TMPRSS6: variants seen among roughly 807,000 people sequenced by gnomAD.
TMPRSS6 encodes the protein transmembrane protease serine 6.
In TMPRSS6, 67 loss-of-function variants were observed where a neutral mutation model predicts 101.5. That is an observed-to-expected ratio of 0.66 (90% confidence interval 0.54 to 0.81). The LOEUF (loss-of-function observed/expected upper bound fraction) is 0.81, where lower values mean the gene tolerates loss of function less well. Among genes scored for constraint, TMPRSS6 ranks in the 30% least tolerant of loss-of-function variants. TMPRSS6 has a pLI of 0.00. For synonymous variants in TMPRSS6, 453 were observed against 464.9 expected (o/e 0.97, Z 0.33); for missense variants, 1,034 against 1,088.7 (o/e 0.95, Z 0.71).
intron 6 of TMPRSS6, among the ~76,000 whole-genome samples, chr22:37,090,286 G>A (rs1371902294): frequency 1.3e-5 from 2 of 152,232 alleles, no homozygotes; most frequent in South Asian, 2.1e-4. Flanking sequence ...GAGGATGGGC[G>A]CTGCTTTCTC....
chr22:37,093,980 G>A (rs1929508419), intron 6 of TMPRSS6, among the ~76,000 whole-genome samples: 1 of 151,928 alleles, frequency 6.6e-6, no homozygotes, highest in Non-Finnish European at 1.5e-5. Flanking sequence ...CCAAGATCGC[G>A]GCACTGCACT....
chr22:37,094,631 T>C (rs752558730), intron 6 of TMPRSS6, among the ~76,000 whole-genome samples: 5 of 152,208 alleles, frequency 3.3e-5, no homozygotes, highest in African/African-American at 7.2e-5. Flanking sequence ...ATCAGCCAAA[T>C]AAATATTTGA....
Position 37,069,200 on chromosome 22 carries a change from C to G in TMPRSS6, c.1986G>C (p.Leu662=). 6.2e-7 allele frequency: 1 copy of G among 1,603,136 alleles called. No individual in the cohort carries two copies. Among genetic ancestry groups the G allele is most frequent in the Middle Eastern group, 1.7e-4 (1 of 6,050 alleles). Reference sequence around the variant, plus strand: ...GCACCACCGGGTGGTCGAGCTGCAGCAGCGCCACGTCGTAGTCATGGCTGT... The same window carrying G: ...GCACCACCGGGTGGTCGAGCTGCAGGAGCGCCACGTCGTAGTCATGGCTGT... The part of the protein sequence containing the change: ...EEDSHDYDVA[L]LQLDHPVVRS... Residue 662 remains leucine, a synonymous_variant, in exon 16 of 18, where the codon CTG becomes CTC. Transcript: ENST00000676104. This position sits in a 1 kb window ranked among gnomAD's most constrained non-coding sequence, Gnocchi z 4.8.
At position 37,090,514 on chromosome 22, in the gene TMPRSS6, G is replaced by A. The variant is rs143079795; in HGVS notation, c.632-732C>T. Among the ~76,000 whole-genome samples the A allele has an allele frequency of 5.8e-4, 88 of 152,186 alleles. 1 individual carries two copies. The highest frequency in any genetic ancestry group is 2.0e-3 in the African/African-American group (83 of 41,430). The stretch of plus-strand genomic sequence containing the variant: ...ACATGAGCTTTGAGCTAATGATGGT[G>A]AAGCCATCAGAATAAAACAGGTGCT... On this transcript the variant is annotated intron_variant, in intron 6 of 17. Transcript: ENST00000676104.
chr22:37,081,019 A>T (rs576457580), intron 10 of TMPRSS6, among the ~76,000 whole-genome samples: 1 of 152,384 alleles, frequency 6.6e-6, no homozygotes, highest in Admixed American at 6.5e-5. Flanking sequence ...GCCTGGCCTT[A>T]ACTCTGGCTC....
Position 37,095,566 on chromosome 22 carries a change from A to G in TMPRSS6, c.616T>C (p.Leu206=), listed in dbSNP as rs748752507. ...LEASVKDIAA[L]NSTLGCYRYS... ...AATAGCGTACCCAGCGTGGAATTCA[A>G]TGCAGCTATGTCTTTCACACTGGCT... is the stretch of plus-strand genomic sequence containing the variant. Residue 206 remains leucine, a synonymous_variant, in exon 6 of 18, where the codon TTG becomes CTG. Coordinates refer to ENST00000676104, the MANE Select transcript of TMPRSS6 (RefSeq NM_001374504.1). The G allele has an allele frequency of 1.2e-6, 2 of 1,613,098 alleles. No individual in the cohort carries two copies. Among genetic ancestry groups the G allele is most frequent in the Non-Finnish European group, 1.7e-6 (2 of 1,179,886 alleles).
chr22:37,103,635 G>A lies in TMPRSS6; in HGVS notation c.-1-217C>T. The A allele has an allele frequency of 6.4e-7, 1 of 1,571,660 alleles. No individual in the cohort carries two copies. Among genetic ancestry groups the A allele is most frequent in the South Asian group, 1.1e-5 (1 of 90,112 alleles). On this transcript the variant is annotated intron_variant, in intron 1 of 17. Coordinates refer to ENST00000676104, the MANE Select transcript of TMPRSS6 (RefSeq NM_001374504.1). The surrounding 1 kb of genome is among the most constrained non-coding windows in gnomAD (Gnocchi z 4.4). ...GCACCAGAGGGCAGGCACCAGAGCT[G>A]GACTGGGTCTGGCTCAAGAACCCCA...
chr22:37,086,953 C>T (rs1928839535), intron 7 of TMPRSS6, among the ~76,000 whole-genome samples: 1 of 152,232 alleles, frequency 6.6e-6, no homozygotes, highest in Admixed American at 6.5e-5. Flanking sequence ...GTATCTTAGA[C>T]TTCTGGGCTT....
In TMPRSS6 at chr22:37,066,171, C is replaced by G. The variant is rs754942060; in HGVS notation, c.2318G>C (p.Ser773Thr). 2 of 1,613,136 alleles carry G rather than the reference C, an allele frequency of 1.2e-6. No homozygotes were observed. The highest frequency in any genetic ancestry group is 4.5e-5 in the East Asian group (2 of 44,878). The change falls in exon 18 of 18, where the codon AGC (serine) becomes ACC (threonine). Residue 773 changes from serine to threonine, a missense_variant. Coordinates refer to ENST00000676104, the MANE Select transcript of TMPRSS6 (RefSeq NM_001374504.1). ...AGGCCGGCCACAGCCCAGGCCCCAG[C>G]TGACCAGCCCCGCCAGGAACCAGCG... ...SGRWFLAGLV[S>T]WGLGCGRPNY...
At chr22:37,100,883 C>T (rs530202211) in intron 2 of TMPRSS6, among the ~76,000 whole-genome samples, 7 of 152,200 alleles carry the variant, frequency 4.6e-5, no homozygotes, top group Non-Finnish European at 7.4e-5. Context: ...GGAAAGGACC[C>T]GGTGGCGGCC....
Position 37,069,348 on chromosome 22 carries a change from G to T in TMPRSS6, c.1842-4C>A, listed in dbSNP as rs188283136. 2.1e-6 allele frequency: 2 copies of T among 951,218 alleles called. No individual in the cohort carries two copies. The highest frequency in any genetic ancestry group is 3.4e-5 in the Admixed American group (1 of 29,840). The allele number at this position is 951,218 out of a possible 1,614,324, so 58.9% of individuals were successfully genotyped here. A position where few individuals can be genotyped will look rare whatever the true frequency, so the allele number is the denominator to read the frequency against. On this transcript the variant is annotated splice_region_variant and splice_polypyrimidine_tract_variant and intron_variant, in intron 15 of 17. Transcript: ENST00000676104. The surrounding 1 kb of genome is among the most constrained non-coding windows in gnomAD (Gnocchi z 4.8). ...CCACAGCACCGTGGAGGCCATGCTG[G>T]GGTGGGGTGGGGTGGGGTGGGGTGG...
intron 1 of TMPRSS6, among the ~76,000 whole-genome samples, chr22:37,106,533 C>T (rs1361900538): frequency 1.3e-5 from 2 of 152,142 alleles, no homozygotes; most frequent in Non-Finnish European, 2.9e-5. Flanking sequence ...AAGCCATGGT[C>T]CAAATGGCAG....
intron 7 of TMPRSS6, among the ~76,000 whole-genome samples, chr22:37,089,103 G>A (rs1010254128): frequency 1.3e-5 from 2 of 152,140 alleles, no homozygotes; most frequent in African/African-American, 4.8e-5. Flanking sequence ...CACACCTACT[G>A]TGCGTTTGGT....
chr22:37,107,029 TC>T (rs1376085557), intron 1 of TMPRSS6, among the ~76,000 whole-genome samples: 3 of 152,350 alleles, frequency 2.0e-5, no homozygotes, highest in South Asian at 2.1e-4. Context: ...CCTCTGGGGT[TC>T]CCCATGGAAC....
chr22:37,107,627 C>T (rs1310899569), intron 1 of TMPRSS6, among the ~76,000 whole-genome samples: 2 of 152,092 alleles, frequency 1.3e-5, no homozygotes, highest in African/African-American at 4.8e-5. Context: ...GCCCTGCCCA[C>T]AAGCCTCGCA....
intron 10 of TMPRSS6, among the ~76,000 whole-genome samples, chr22:37,076,062 AAAAAG>A (rs565956396): frequency 1.4e-3 from 213 of 152,210 alleles, no homozygotes; most frequent in Non-Finnish European, 2.1e-3. Flanking sequence ...GAGGGAAAGA[AAAAAG>A]AAAAGAAAAG....
chr22:37,082,370 G>A (rs559382358), intron 10 of TMPRSS6: 1 of 154,496 alleles, frequency 6.5e-6, no homozygotes, highest in African/African-American at 2.4e-5. Context: ...ATGAGACAGG[G>A]AGTGTCAGAC....
intron 6 of TMPRSS6, among the ~76,000 whole-genome samples, chr22:37,091,521 G>C (rs767063575): frequency 6.6e-6 from 1 of 152,182 alleles, no homozygotes; most frequent in Non-Finnish European, 1.5e-5. Context: ...CTCATCAGCT[G>C]TGTGATGATG....
chr22:37,100,612 G>T (rs1045645400), intron 2 of TMPRSS6, among the ~76,000 whole-genome samples: 1 of 152,228 alleles, frequency 6.6e-6, no homozygotes, highest in Non-Finnish European at 1.5e-5. Context: ...GTACAGGTCT[G>T]GGGGAAATTA....
Sources: gnomAD v4.1 joint callset for allele counts (sites outside exome capture counted in the v4.1 genomes callset) on GRCh38, gnomAD v4.1.1 for gene constraint, Gnocchi (gnomAD v3.1) non-coding constraint, MANE v1.5 for transcripts, NCBI Gene and HGNC (gene_info 2026-07-23, HGNC 2026-07-21) for gene names.